Variants in TDRD3 observed in about 807,000 individuals in gnomAD.
TDRD3 encodes tudor domain-containing protein 3.
Under a neutral mutation model 86.7 loss-of-function variants are expected in TDRD3, and 45 were observed. The observed-to-expected ratio is 0.52, with a 90% CI of 0.41 to 0.67. The LOEUF (loss-of-function observed/expected upper bound fraction) is 0.67, where lower values mean the gene tolerates loss of function less well. Among genes scored for constraint, TDRD3 ranks in the 30% least tolerant of loss-of-function variants. The probability of loss-of-function intolerance (pLI) is 0.00; values close to 1 mark genes in which losing one functional copy is unlikely to be tolerated. For missense variants in TDRD3, 814 were observed against 889.0 expected (o/e 0.92, Z 1.07); for synonymous variants, 298 against 301.7 (o/e 0.99, Z 0.13).
chr13:60,528,450 C>G lies in TDRD3; in HGVS notation c.1225C>G (p.His409Asp). 1 of 1,613,798 alleles carries G rather than the reference C, an allele frequency of 6.2e-7. No individual in the cohort carries two copies. Among genetic ancestry groups the G allele is most frequent in the Admixed American group, 1.7e-5 (1 of 59,974 alleles). ...GCAAAATGGAGTAAAAGATAATAAT[C>G]ATCTGAGACATCCTCCTCGAAATGA... ...TEQNGVKDNN[H>D]LRHPPRNDTR... Residue 409 changes from histidine (H) to aspartate (D), a missense_variant, in exon 11 of 14, where the codon CAT (histidine) becomes GAT (aspartate). Physicochemically the swap from His to Asp is moderately conservative, Grantham distance 81. Transcript: ENST00000377881.
chr13:60,447,161 G>C (rs921124998), intron 3 of TDRD3, among the ~76,000 whole-genome samples: 3 of 152,158 alleles, frequency 2.0e-5, no homozygotes, highest in Non-Finnish European at 4.4e-5. Context: ...AAAAACCAAT[G>C]TTCCAAAAAC....
intron 12 of TDRD3, among the ~76,000 whole-genome samples, chr13:60,560,552 A>C (rs185940637): frequency 9.9e-5 from 15 of 152,014 alleles, no homozygotes; most frequent in African/African-American, 3.4e-4. Context: ...TAATGTGTAG[A>C]TCTTAGTGAT....
At chr13:60,450,065 A>G (rs896663065) in intron 3 of TDRD3, among the ~76,000 whole-genome samples, 7 of 152,114 alleles carry the variant, frequency 4.6e-5, no homozygotes, top group African/African-American at 1.4e-4. Flanking sequence ...AATAATTTAT[A>G]TGTATTATCT....
At chr13:60,404,589 C>T (rs1217814876) in intron 1 of TDRD3, among the ~76,000 whole-genome samples, 4 of 151,736 alleles carry the variant, frequency 2.6e-5, no homozygotes, top group Non-Finnish European at 4.4e-5. Context: ...GGATTACAGG[C>T]GTGAGCCACC....
intron 7 of TDRD3, 51 bp downstream of exon 7, chr13:60,485,999 T>C: frequency 6.6e-7 from 1 of 1,515,938 alleles, no homozygotes; most frequent in Non-Finnish European, 8.8e-7. Context: ...ATGTTCTATT[T>C]AGATTATTTG....
At chr13:60,395,922 T>C (rs1369104653), upstream of TDRD3, among the ~76,000 whole-genome samples, 3 of 152,180 alleles carry the variant, frequency 2.0e-5, no homozygotes, top group Admixed American at 2.0e-4. Flanking sequence ...ACAATATACT[T>C]GGGAGCAAAT....
At chr13:60,472,833 A>T (rs1181202137) in intron 5 of TDRD3, among the ~76,000 whole-genome samples, 1 of 152,162 alleles carries the variant, frequency 6.6e-6, no homozygotes, top group Admixed American at 6.5e-5. Context: ...ATAGAGAGAG[A>T]GTACAATGGT....
chr13:60,443,320 G>A (rs915645961), intron 2 of TDRD3, among the ~76,000 whole-genome samples: 3 of 151,918 alleles, frequency 2.0e-5, no homozygotes, highest in African/African-American at 4.8e-5. Context: ...GGCGTACAAC[G>A]TGAGGTACGG....
chr13:60,399,244 T>G (rs534959546), intron 1 of TDRD3, among the ~76,000 whole-genome samples: 20 of 152,372 alleles, frequency 1.3e-4, no homozygotes, highest in African/African-American at 4.8e-4. Flanking sequence ...TGCAGAAGCT[T>G]AGGTAGAGTC....
intron 10 of TDRD3, among the ~76,000 whole-genome samples, chr13:60,527,659 C>A (rs979405956): frequency 6.6e-6 from 1 of 152,102 alleles, no homozygotes; most frequent in Non-Finnish European, 1.5e-5. Context: ...ATATTTATCA[C>A]GTTATTTCTT....
At position 60,485,926 on chromosome 13, in the gene TDRD3, C is replaced by T. The variant is rs1956425033; in HGVS notation, c.695C>T (p.Ala232Val). The change falls in exon 7 of 14, where the codon GCT (alanine) becomes GTT (valine). Residue 232 changes from alanine to valine, a missense_variant. Physicochemically the swap from Ala to Val is moderately conservative, Grantham distance 64 (BLOSUM62 0). Coordinates refer to ENST00000377881, the MANE Select transcript of TDRD3 (RefSeq NM_001146070.2). ...EFEKQRTAAI[A>V]EVAKSKETKT... ...GAAAAGCAAAGGACGGCTGCTATTGCTGAAGTTGCAAAGAGCAAGGAAGTA... is the reference window on the plus strand; with the variant it reads ...GAAAAGCAAAGGACGGCTGCTATTGTTGAAGTTGCAAAGAGCAAGGAAGTA... The T allele has an allele frequency of 4.4e-6, 7 of 1,608,560 alleles. No individual in the cohort carries two copies. The South Asian group carries it at 6.7e-5, about 15-fold the overall frequency.
At chr13:60,454,988 A>G (rs1020543308) in intron 3 of TDRD3, among the ~76,000 whole-genome samples, 2 of 152,046 alleles carry the variant, frequency 1.3e-5, no homozygotes. Flanking sequence ...ATCTCGGCTC[A>G]CTGCAACCTC....
intron 8 of TDRD3, among the ~76,000 whole-genome samples, chr13:60,501,443 A>G (rs1487643356): frequency 1.3e-5 from 2 of 152,216 alleles, no homozygotes; most frequent in Non-Finnish European, 2.9e-5. Flanking sequence ...AAACACTAAT[A>G]TAAATGGAAC....
chr13:60,444,573 C>T, intron 2 of TDRD3, 110 bp from the exon 3 acceptor site: 1 of 586,688 alleles, frequency 1.7e-6, no homozygotes, highest in South Asian at 2.8e-5. Context: ...ACCAGTTAAA[C>T]TGAATTTTTG....
intron 3 of TDRD3, among the ~76,000 whole-genome samples, chr13:60,452,407 A>G (rs1343754284): frequency 6.6e-6 from 1 of 152,080 alleles, no homozygotes; most frequent in Non-Finnish European, 1.5e-5. Context: ...ATTCTTATAT[A>G]TTCTATTCTT....
chr13:60,557,138 G>A (rs1385957804), intron 12 of TDRD3, among the ~76,000 whole-genome samples: 1 of 151,728 alleles, frequency 6.6e-6, no homozygotes, highest in South Asian at 2.1e-4. Flanking sequence ...CCCAGGAGGC[G>A]GAGCTTGCGG....
At chr13:60,463,520 T>A (rs1955847973) in intron 4 of TDRD3, among the ~76,000 whole-genome samples, 1 of 151,858 alleles carries the variant, frequency 6.6e-6, no homozygotes. Flanking sequence ...TGGGATTAAA[T>A]CAAACTAAAA....
chr13:60,426,391 T>A (rs1954809181), intron 1 of TDRD3, among the ~76,000 whole-genome samples: 1 of 152,106 alleles, frequency 6.6e-6, no homozygotes, highest in Non-Finnish European at 1.5e-5. Context: ...AAATTAGAGA[T>A]TTTTATTAAA....
intron 3 of TDRD3, 96 bp downstream of exon 3, chr13:60,444,844 T>C (rs1001199728): frequency 3.0e-5 from 19 of 634,478 alleles, no homozygotes; most frequent in Non-Finnish European, 3.7e-5. Context: ...AAGACTGCAA[T>C]TGCAAAATAC....
Sources: gnomAD v4.1 joint callset for allele counts (sites outside exome capture counted in the v4.1 genomes callset) on GRCh38, gnomAD v4.1.1 for gene constraint, MANE v1.5 for transcripts, NCBI Gene and HGNC (gene_info 2026-07-23, HGNC 2026-07-21) for gene names.